The following FBLN1 variants were observed in gnomAD, a reference collection of about 807,000 sequenced individuals.
The protein encoded by FBLN1 is fibulin 1.
A neutral mutation model predicts 89.7 loss-of-function variants in FBLN1; 34 were observed. That is an observed-to-expected ratio of 0.38 (90% CI 0.29 to 0.50). The LOEUF (loss-of-function observed/expected upper bound fraction) is 0.50, where lower values mean the gene tolerates loss of function less well. FBLN1 is among the 20% of genes least tolerant of loss of function. The probability of loss-of-function intolerance (pLI) is 0.92; values close to 1 mark genes in which losing one functional copy is unlikely to be tolerated. For synonymous variants in FBLN1, 393 were observed against 391.3 expected (o/e 1.00, Z -0.05); for missense variants, 777 against 988.1 (o/e 0.79, Z 2.86).
chr22:45,599,355 C>G (rs2089211927), intron 16 of FBLN1, among the ~76,000 whole-genome samples: 1 of 152,190 alleles, frequency 6.6e-6, no homozygotes, highest in African/African-American at 2.4e-5. Flanking sequence ...TCCCTGTTAT[C>G]ACAAACACTG....
rs1454140340 is a variant in FBLN1 at position 45,502,940 on chromosome 22, C to T, written c.-46C>T. The T allele has an allele frequency of 2.2e-6, 2 of 910,322 alleles. No individual in the cohort carries two copies. The highest frequency in any genetic ancestry group is 3.6e-5 in the African/African-American group (2 of 55,668). 56.4% of individuals were successfully genotyped at this position (910,322 alleles called of 1,614,324 possible). A position where few individuals can be genotyped will look rare whatever the true frequency, so the allele number is the denominator to read the frequency against. ...CCCGCGCCGCTGCCCCAGGACCGCGCCCGCGCCTTTGTCCGCCGCCGCCCA... is the reference window on the plus strand; with the variant it reads ...CCCGCGCCGCTGCCCCAGGACCGCGTCCGCGCCTTTGTCCGCCGCCGCCCA... On this transcript the variant is annotated 5_prime_UTR_variant, in exon 1 of 17. Transcript: ENST00000327858.
intron 3 of FBLN1, 53 bp from the exon 4 acceptor site, chr22:45,527,794 C>G (rs548370820): frequency 1.2e-6 from 2 of 1,608,236 alleles, no homozygotes; most frequent in South Asian, 2.2e-5. Context: ...CTCGTGGACC[C>G]CGCTGGGCTG....
In FBLN1 at chr22:45,572,471, A is replaced by G. The variant is rs184827292; in HGVS notation, c.1698-2040A>G. Among the ~76,000 whole-genome samples the G allele has an allele frequency of 2.0e-4, 30 of 152,360 alleles. No individual in the cohort carries two copies. Among genetic ancestry groups the G allele is most frequent in the Admixed American group, 1.6e-3 (25 of 15,306 alleles). Reference sequence around the variant, plus strand: ...ATCCTTTGGAGAATGATAGCACACTAGTTAGCTTATTATCCTGAAAATTAG... The same window carrying G: ...ATCCTTTGGAGAATGATAGCACACTGGTTAGCTTATTATCCTGAAAATTAG... On this transcript the variant is annotated intron_variant, in intron 14 of 16. Transcript: ENST00000327858. This position sits in a 1 kb window ranked among gnomAD's most constrained non-coding sequence, Gnocchi z 5.8.
At chr22:45,510,796 C>T (rs1479873148) in intron 1 of FBLN1, among the ~76,000 whole-genome samples, 4 of 151,770 alleles carry the variant, frequency 2.6e-5, no homozygotes, top group South Asian at 2.1e-4. Flanking sequence ...TGGGGCATGC[C>T]GCTGATCTAC....
Position 45,590,090 on chromosome 22 carries a change from C to T in FBLN1, c.1973-10217C>T, listed in dbSNP as rs117145414. Among the ~76,000 whole-genome samples, 2 of 152,228 alleles carry T rather than the reference C, an allele frequency of 1.3e-5. No homozygotes were observed. The highest frequency in any genetic ancestry group is 4.8e-5 in the African/African-American group (2 of 41,462). The stretch of plus-strand genomic sequence containing the variant: ...CCAGGTGATGTTGGTAACCCCAGCA[C>T]CCAGCACTGCAGCCACCCACAGCAA... On this transcript the variant is annotated intron_variant, in intron 16 of 16. Transcript: ENST00000327858. This position sits in a 1 kb window ranked among gnomAD's most constrained non-coding sequence, Gnocchi z 4.1.
rs966563954 is a variant in FBLN1, at chr22:45,583,880, C to T, written c.1972+6772C>T. On this transcript the variant is annotated intron_variant, in intron 16 of 16. Coordinates refer to ENST00000327858, the MANE Select transcript of FBLN1 (RefSeq NM_006486.3). The surrounding 1 kb of genome is among the most constrained non-coding windows in gnomAD (Gnocchi z 4.5). ...CAGGGTGTTATCCAGGCAGGTTTCC[C>T]GTGAGGAATTCTAACTGGGGGGCTT... is the stretch of plus-strand genomic sequence containing the variant. Among the ~76,000 whole-genome samples the T allele has an allele frequency of 6.6e-6, 1 of 152,082 alleles. No homozygotes were observed. Among genetic ancestry groups the T allele is most frequent in the African/African-American group, 2.4e-5 (1 of 41,378 alleles).
rs778442837 is a variant in FBLN1, at chr22:45,600,303, G to A, written c.1973-4G>A. ...TTCCAGCACACCTTCTGCTCTCTCCGCAGGTGTCGTGCGCCAGGTGCGGCC... is the reference window on the plus strand; with the variant it reads ...TTCCAGCACACCTTCTGCTCTCTCCACAGGTGTCGTGCGCCAGGTGCGGCC... On this transcript the variant is annotated splice_polypyrimidine_tract_variant and splice_region_variant and intron_variant, in intron 16 of 16. Coordinates refer to ENST00000327858, the MANE Select transcript of FBLN1 (RefSeq NM_006486.3). 59 of 1,614,082 alleles carry A rather than the reference G, an allele frequency of 3.7e-5. No individual in the cohort carries two copies. Among genetic ancestry groups the A allele is most frequent in the African/African-American group, 5.3e-5 (4 of 74,942 alleles).
intron 2 of FBLN1, among the ~76,000 whole-genome samples, chr22:45,525,030 G>A (rs992428138): frequency 6.6e-6 from 1 of 151,888 alleles, no homozygotes; most frequent in African/African-American, 2.4e-5. Flanking sequence ...GCTGCAGTGA[G>A]CTGAGATCAC....
At chr22:45,596,160 C>T (rs943127457) in intron 16 of FBLN1, among the ~76,000 whole-genome samples, 12 of 152,238 alleles carry the variant, frequency 7.9e-5, no homozygotes, top group East Asian at 1.9e-4. Context: ...TGAGCCACTA[C>T]GCCCGGCCAA....
chr22:45,568,163 A>T (rs552904644), intron 14 of FBLN1, among the ~76,000 whole-genome samples: 2 of 152,372 alleles, frequency 1.3e-5, no homozygotes, highest in South Asian at 4.1e-4. Context: ...AGTCAGGAAG[A>T]TAACTGTGAA....
At chr22:45,515,748 A>G (rs2088161418) in intron 1 of FBLN1, among the ~76,000 whole-genome samples, 1 of 152,168 alleles carries the variant, frequency 6.6e-6, no homozygotes. Context: ...TTGGAACTTT[A>G]TAAAGTGCAT....
At chr22:45,599,459 G>A (rs1218945211) in intron 16 of FBLN1, among the ~76,000 whole-genome samples, 1 of 152,182 alleles carries the variant, frequency 6.6e-6, no homozygotes, top group African/African-American at 2.4e-5. Flanking sequence ...TCTGCTTGCA[G>A]GAGGATCCAG....
chr22:45,542,402 C>G (rs1371208389), intron 10 of FBLN1, 119 bp downstream of exon 10: 2 of 1,372,210 alleles, frequency 1.5e-6, no homozygotes, highest in Non-Finnish European at 2.0e-6. Context: ...CAAGTGCAGG[C>G]AGACCCTGAG....
chr22:45,598,512 C>G (rs1180785816), intron 16 of FBLN1, among the ~76,000 whole-genome samples: 1 of 152,224 alleles, frequency 6.6e-6, no homozygotes, highest in East Asian at 1.9e-4. Flanking sequence ...AGCCTGTAGC[C>G]TTGGCTTGTG....
intron 1 of FBLN1, among the ~76,000 whole-genome samples, chr22:45,514,388 A>G (rs992852429): frequency 6.6e-6 from 1 of 152,120 alleles, no homozygotes; most frequent in Non-Finnish European, 1.5e-5. Flanking sequence ...TTTTCCTCTA[A>G]TGGGTGGGAG....
chr22:45,594,738 A>ATGGG (rs2146668239), intron 16 of FBLN1, among the ~76,000 whole-genome samples: 1 of 145,174 alleles, frequency 6.9e-6, no homozygotes, highest in Admixed American at 6.8e-5. Context: ...GGATAGATGG[A>ATGGG]TGGGTGAGTG....
chr22:45,505,289 T>G (rs2088003581), intron 1 of FBLN1, among the ~76,000 whole-genome samples: 1 of 152,190 alleles, frequency 6.6e-6, no homozygotes, highest in African/African-American at 2.4e-5. Flanking sequence ...TCCGACTGAT[T>G]AAAAGAAAGT....
intron 16 of FBLN1, among the ~76,000 whole-genome samples, chr22:45,599,805 T>C (rs928843724): frequency 5.8e-4 from 88 of 152,180 alleles, no homozygotes; most frequent in Admixed American, 2.5e-3. Flanking sequence ...TAATCCCAGC[T>C]ACTCGGGAGG....
intron 1 of FBLN1, among the ~76,000 whole-genome samples, chr22:45,505,137 G>A (rs931003224): frequency 6.6e-6 from 1 of 152,228 alleles, no homozygotes; most frequent in African/African-American, 2.4e-5. Flanking sequence ...GAGAGGAGCC[G>A]CCTGTCTGTC....
Sources: gnomAD v4.1 joint callset for allele counts (sites outside exome capture counted in the v4.1 genomes callset) on GRCh38, gnomAD v4.1.1 for gene constraint, Gnocchi (gnomAD v3.1) non-coding constraint, MANE v1.5 for transcripts, NCBI Gene and HGNC (gene_info 2026-07-23, HGNC 2026-07-21) for gene names.